The following SCYL2 variants were observed in gnomAD, a reference collection of about 807,000 sequenced individuals.
The protein encoded by SCYL2 is SCY1-like protein 2.
A neutral mutation model predicts 100.4 loss-of-function variants in SCYL2; 36 were observed. That is an observed-to-expected ratio of 0.36 (90% CI 0.27 to 0.47). The LOEUF (loss-of-function observed/expected upper bound fraction) is 0.47, where lower values mean the gene tolerates loss of function less well. SCYL2 is among the 20% of genes least tolerant of loss of function. The probability of loss-of-function intolerance (pLI) is 1.00; values close to 1 mark genes in which losing one functional copy is unlikely to be tolerated. For missense variants in SCYL2, 902 were observed against 1,083.9 expected (o/e 0.83, Z 2.36); for synonymous variants, 330 against 359.2 (o/e 0.92, Z 0.92).
intron 1 of SCYL2, among the ~76,000 whole-genome samples, chr12:100,282,205 T>G (rs368744885): frequency 0.085 from 10,749 of 126,888 alleles, 1,053 homozygotes; most frequent in Middle Eastern, 0.12. Flanking sequence ...TTGTAATTTT[T>G]GTAGAGATGG....
intron 1 of SCYL2, among the ~76,000 whole-genome samples, chr12:100,279,740 C>T (rs1052967279): frequency 6.6e-6 from 1 of 152,198 alleles, no homozygotes; most frequent in African/African-American, 2.4e-5. Flanking sequence ...AGTGAAGACT[C>T]ACTACTCTGG....
intron 1 of SCYL2, among the ~76,000 whole-genome samples, chr12:100,281,532 A>AAAC (rs1482000308): frequency 6.6e-6 from 1 of 152,076 alleles, no homozygotes; most frequent in Non-Finnish European, 1.5e-5. Flanking sequence ...CTCTACAGAA[A>AAAC]AATAATAATA....
intron 5 of SCYL2, 101 bp downstream of exon 5, chr12:100,311,294 A>G (rs982072876): frequency 8.1e-5 from 93 of 1,154,008 alleles, no homozygotes; most frequent in Non-Finnish European, 1.0e-4. Context: ...GTATGTTTAG[A>G]TATACAGCTT....
chr12:100,312,527 C>T lies in SCYL2; in HGVS notation c.726C>T (p.Ser242=), dbSNP rs150880001. The change falls in exon 6 of 18, where the codon AGC becomes AGT. Residue 242 remains serine, a synonymous_variant. Coordinates refer to ENST00000360820, the MANE Select transcript of SCYL2 (RefSeq NM_017988.6). ...CTCCTGAATACATACTTTCTGTGAGCTGTGAAACAGCCAGTGATATGTATT... is the reference window on the plus strand; with the variant it reads ...CTCCTGAATACATACTTTCTGTGAGTTGTGAAACAGCCAGTGATATGTATT... ...YLAPEYILSV[S]CETASDMYSL... 1,073 of 1,613,436 alleles carry T rather than the reference C, an allele frequency of 6.7e-4. 1 individual carries two copies. The highest frequency in any genetic ancestry group is 8.2e-4 in the Non-Finnish European group (970 of 1,179,514).
intron 10 of SCYL2, among the ~76,000 whole-genome samples, chr12:100,322,095 G>A (rs1566366796): frequency 2.7e-5 from 4 of 150,050 alleles, no homozygotes; most frequent in Non-Finnish European, 5.9e-5. Context: ...AAAAAGGGCC[G>A]GGCGCGGTGG....
At chr12:100,278,192 T>G (rs568332771) in intron 1 of SCYL2, among the ~76,000 whole-genome samples, 17 of 152,282 alleles carry the variant, frequency 1.1e-4, no homozygotes, top group South Asian at 2.1e-4. Context: ...CTTTAAGTTT[T>G]TTTTGTTTTG....
rs187313815 is a variant in SCYL2, at chr12:100,310,024, C to T, written c.481-1020C>T. 1.3e-4 allele frequency among the ~76,000 whole-genome samples: 19 copies of T among 150,208 alleles called. No homozygotes were observed. The East Asian group carries it at 2.3e-3, about 19-fold the overall frequency. ...TTATTTTGTTTTTTTTTGGAGATGG[C>T]GTCTTGCTGTGTTGCCCAGGCTGGA... On this transcript the variant is annotated intron_variant, in intron 4 of 17. Coordinates refer to ENST00000360820, the MANE Select transcript of SCYL2 (RefSeq NM_017988.6).
Position 100,340,169 on chromosome 12 carries a change from A to T in SCYL2, c.*997A>T, listed in dbSNP as rs2135952318. On this transcript the variant is annotated 3_prime_UTR_variant, in exon 18 of 18. Coordinates refer to ENST00000360820, the MANE Select transcript of SCYL2 (RefSeq NM_017988.6). ...GCAGTTGTATCTTCTGACCACCAAC[A>T]GATTTTCAGCTTGCCATGATAGTCT... The T allele has an allele frequency of 6.5e-6, 1 of 152,720 alleles. No individual in the cohort carries two copies. The highest frequency in any genetic ancestry group is 1.5e-5 in the Non-Finnish European group (1 of 67,980). The allele number at this position is 152,720 out of a possible 1,614,324, so 9.5% of individuals were successfully genotyped here. A position where few individuals can be genotyped will look rare whatever the true frequency, so the allele number is the denominator to read the frequency against.
At chr12:100,307,977 G>A (rs1397699978) in intron 4 of SCYL2, among the ~76,000 whole-genome samples, 5 of 152,188 alleles carry the variant, frequency 3.3e-5, no homozygotes, top group Non-Finnish European at 4.4e-5. Context: ...TCATTAAAAC[G>A]TCAGGAAACA....
intron 1 of SCYL2, among the ~76,000 whole-genome samples, chr12:100,277,045 T>G (rs1382075284): frequency 6.6e-6 from 1 of 152,210 alleles, no homozygotes; most frequent in African/African-American, 2.4e-5. Context: ...TTTGCAGTTT[T>G]TCTATATATT....
intron 1 of SCYL2, among the ~76,000 whole-genome samples, chr12:100,280,691 G>A (rs1368692759): frequency 5.3e-5 from 8 of 152,084 alleles, no homozygotes; most frequent in South Asian, 4.1e-4. Flanking sequence ...TGAAACTTTT[G>A]AGCAGTGATA....
At chr12:100,295,597 G>C (rs1184527956) in intron 3 of SCYL2, among the ~76,000 whole-genome samples, 2 of 152,124 alleles carry the variant, frequency 1.3e-5, no homozygotes, top group Non-Finnish European at 2.9e-5. Context: ...CACTCGGCAG[G>C]CTGAGGCAGG....
rs1331437352 is a variant in SCYL2 at position 100,311,064 on chromosome 12, C to T, written c.501C>T (p.Phe167=). 1.3e-6 allele frequency: 2 copies of T among 1,574,306 alleles called. No individual in the cohort carries two copies. The highest frequency in any genetic ancestry group is 1.7e-6 in the Non-Finnish European group (2 of 1,163,404). ...TACAGGTTTCTGAAGGATTGTCATT[C>T]TTGCATAGCAGTGTGAAAATGGTGC... The part of the protein sequence containing the change: ...GLLQVSEGLS[F]LHSSVKMVHG... The change falls in exon 5 of 18, where the codon TTC becomes TTT. Residue 167 remains phenylalanine (F), a synonymous_variant. Coordinates refer to ENST00000360820, the MANE Select transcript of SCYL2 (RefSeq NM_017988.6).
At chr12:100,308,042 G>C (rs773284532) in intron 4 of SCYL2, among the ~76,000 whole-genome samples, 1 of 152,014 alleles carries the variant, frequency 6.6e-6, no homozygotes, top group African/African-American at 2.4e-5. Flanking sequence ...TGTTGGTGGG[G>C]GTGTAAATTA....
chr12:100,287,734 T>C (rs1021269278), intron 2 of SCYL2, among the ~76,000 whole-genome samples: 5 of 152,216 alleles, frequency 3.3e-5, no homozygotes, highest in African/African-American at 1.2e-4. Context: ...CAGTTAACAG[T>C]TGTTGAATCT....
intron 4 of SCYL2, among the ~76,000 whole-genome samples, chr12:100,298,808 T>G (rs1421728740): frequency 6.6e-6 from 1 of 152,182 alleles, no homozygotes; most frequent in Non-Finnish European, 1.5e-5. Context: ...GGTCTCGAAC[T>G]CCTGACCTCG....
Position 100,291,551 on chromosome 12 carries a change from A to G in SCYL2, c.226A>G (p.Lys76Glu). The stretch of plus-strand genomic sequence containing the variant: ...TAAAAAACTGATTGACAAGTATCAA[A>G]AATTTGAAAAGGATCAAATCATTGA... ...FDKKLIDKYQ[K>E]FEKDQIIDSL... The change falls in exon 3 of 18, where the codon AAA becomes GAA. Residue 76 changes from lysine (K) to glutamate (E), a missense_variant. Lys to Glu is a moderately conservative substitution (Grantham distance 56). Coordinates refer to ENST00000360820, the MANE Select transcript of SCYL2 (RefSeq NM_017988.6). 2 of 1,587,036 alleles carry G rather than the reference A, an allele frequency of 1.3e-6. No homozygotes were observed.
intron 4 of SCYL2, among the ~76,000 whole-genome samples, chr12:100,310,379 A>G (rs1002593282): frequency 2.6e-5 from 4 of 152,012 alleles, no homozygotes; most frequent in Admixed American, 2.0e-4. Context: ...CATTTCCCTA[A>G]TGGTTAGTGA....
chr12:100,331,707 A>G (rs1388935198), intron 13 of SCYL2, among the ~76,000 whole-genome samples: 1 of 151,946 alleles, frequency 6.6e-6, no homozygotes, highest in Non-Finnish European at 1.5e-5. Flanking sequence ...TTTGATTCAT[A>G]TCTTCTTGTA....
Sources: gnomAD v4.1 joint callset for allele counts (sites outside exome capture counted in the v4.1 genomes callset) on GRCh38, gnomAD v4.1.1 for gene constraint, MANE v1.5 for transcripts, NCBI Gene and HGNC (gene_info 2026-07-23, HGNC 2026-07-21) for gene names.